LAMA2: variants seen among roughly 807,000 people sequenced by gnomAD.
LAMA2 encodes laminin subunit alpha 2, also known as laminin subunit alpha-2.
LAMA2 carries 269 observed loss-of-function variants against 364.8 expected under a neutral mutation model. The ratio of observed to expected loss-of-function variants is 0.74; its 90% CI spans 0.67 to 0.82. The LOEUF (loss-of-function observed/expected upper bound fraction) is 0.82. Among genes scored for constraint, LAMA2 ranks in the 40% least tolerant of loss-of-function variants. LAMA2 has a pLI of 0.00. For synonymous variants in LAMA2, 1,379 were observed against 1,370.6 expected (o/e 1.01, Z -0.14); for missense variants, 3,807 against 3,873.2 (o/e 0.98, Z 0.45).
chr6:129,272,841 A>G (rs1788038151), intron 17 of LAMA2, among the ~76,000 whole-genome samples: 1 of 152,128 alleles, frequency 6.6e-6, no homozygotes, highest in East Asian at 1.9e-4. Flanking sequence ...TCTAGCTTGT[A>G]TGCTCCTTAT....
chr6:129,089,790 A>G (rs964016721), intron 3 of LAMA2, among the ~76,000 whole-genome samples: 1 of 152,244 alleles, frequency 6.6e-6, no homozygotes, highest in Non-Finnish European at 1.5e-5. Context: ...TACTAAATGC[A>G]TTAATAAGCT....
At chr6:129,208,950 A>C (rs142827711) in intron 12 of LAMA2, among the ~76,000 whole-genome samples, 10 of 152,128 alleles carry the variant, frequency 6.6e-5, no homozygotes, top group Non-Finnish European at 1.2e-4. Context: ...TTTTCTTTCC[A>C]GTTTTCATCT....
At chr6:129,155,344 G>A (rs528529808) in intron 8 of LAMA2, among the ~76,000 whole-genome samples, 1 of 152,050 alleles carries the variant, frequency 6.6e-6, no homozygotes, top group South Asian at 2.1e-4. Context: ...TGTATAAAAT[G>A]TTCACCAAAA....
chr6:129,499,875 G>T (rs982334767), intron 58 of LAMA2, among the ~76,000 whole-genome samples: 17 of 151,962 alleles, frequency 1.1e-4, no homozygotes, highest in African/African-American at 4.1e-4. Context: ...GCAACAACAT[G>T]CCCAGCTAAT....
intron 53 of LAMA2, among the ~76,000 whole-genome samples, chr6:129,476,528 AT>A (rs1278458411): frequency 6.6e-6 from 1 of 152,188 alleles, no homozygotes; most frequent in Non-Finnish European, 1.5e-5. Context: ...TTATGTGACT[AT>A]TTATCCCCTG....
At chr6:129,205,478 G>GTATATATATATATAGATATATATATA (rs1782568520) in intron 12 of LAMA2, among the ~76,000 whole-genome samples, 1 of 116,428 alleles carries the variant, frequency 8.6e-6, no homozygotes, top group Admixed American at 7.9e-5. Flanking sequence ...TATTCTGTAA[G>GTATATATATATATAGATATATATATA]TATATATATA....
intron 10 of LAMA2, among the ~76,000 whole-genome samples, chr6:129,183,922 C>T (rs187285635): frequency 6.6e-6 from 1 of 151,928 alleles, no homozygotes; most frequent in Admixed American, 6.6e-5. Flanking sequence ...AGGAAGAGAA[C>T]TAAAATCTCG....
chr6:129,242,171 G>A (rs1446461458), intron 12 of LAMA2, among the ~76,000 whole-genome samples: 2 of 152,070 alleles, frequency 1.3e-5, no homozygotes, highest in African/African-American at 4.8e-5. Flanking sequence ...ACTTTCTATT[G>A]TTCCTCCCTT....
Position 129,401,280 on chromosome 6 carries a change from G to A in LAMA2, c.5502G>A (p.Glu1834=), listed in dbSNP as rs3749878. 758,142 of 1,600,776 alleles carry A rather than the reference G, an allele frequency of 0.47. 183,076 individuals are homozygous for A. Among genetic ancestry groups the A allele is most frequent in the African/African-American group, 0.63 (46,677 of 74,642 alleles). Residue 1834 remains glutamate, a synonymous_variant, in exon 38 of 65, where the codon GAG becomes GAA. Coordinates refer to ENST00000421865, the MANE Select transcript of LAMA2 (RefSeq NM_000426.4). ...GKRQIENTLK[E]GNDILDEANR... ...GACAAATTGAGAACACTTTAAAAGAGGGCAATGACATACTCGATGAAGCCA... is the reference window on the plus strand; with the variant it reads ...GACAAATTGAGAACACTTTAAAAGAAGGCAATGACATACTCGATGAAGCCA...
At chr6:129,358,014 C>T (rs1056607384) in intron 32 of LAMA2, among the ~76,000 whole-genome samples, 3 of 152,012 alleles carry the variant, frequency 2.0e-5, no homozygotes, top group Non-Finnish European at 2.9e-5. Context: ...CTCGTACTCA[C>T]TGCTCAAGTA....
chr6:128,948,212 G>A (rs759605271), intron 1 of LAMA2, among the ~76,000 whole-genome samples: 2 of 152,086 alleles, frequency 1.3e-5, no homozygotes, highest in African/African-American at 2.4e-5. Context: ...ATTCCAGACT[G>A]TGAACAGATT....
chr6:129,481,250 C>T lies in LAMA2; in HGVS notation c.7573-13C>T, dbSNP rs751282785. On this transcript the variant is annotated splice_polypyrimidine_tract_variant and intron_variant, in intron 54 of 64. Coordinates refer to ENST00000421865, the MANE Select transcript of LAMA2 (RefSeq NM_000426.4). ...TTCTAATGGTTTCTACTCTTCTTTT[C>T]CTTTACTCACAGAATGTTTACACAG... 2.5e-6 allele frequency: 4 copies of T among 1,610,790 alleles called. No homozygotes were observed. Among genetic ancestry groups the T allele is most frequent in the Non-Finnish European group, 2.5e-6 (3 of 1,177,142 alleles).
intron 4 of LAMA2, among the ~76,000 whole-genome samples, chr6:129,122,025 T>C (rs1776830619): frequency 6.6e-6 from 1 of 152,208 alleles, no homozygotes; most frequent in Admixed American, 6.5e-5. Context: ...CTTAAAATTA[T>C]GTGAAAAAAG....
intron 1 of LAMA2, among the ~76,000 whole-genome samples, chr6:128,958,376 ATAATC>A (rs1247265226): frequency 6.6e-6 from 1 of 152,136 alleles, no homozygotes; most frequent in Non-Finnish European, 1.5e-5. Flanking sequence ...AGGCAGTAAA[ATAATC>A]TAACAGGCTC....
intron 48 of LAMA2, among the ~76,000 whole-genome samples, chr6:129,458,522 A>C (rs1783084932): frequency 6.6e-6 from 1 of 151,970 alleles, no homozygotes. Flanking sequence ...AAATCTCTCA[A>C]ATATAGCTTT....
chr6:129,048,838 C>T (rs891807408), intron 1 of LAMA2, among the ~76,000 whole-genome samples: 1 of 151,964 alleles, frequency 6.6e-6, no homozygotes, highest in Non-Finnish European at 1.5e-5. Flanking sequence ...TGGTCTTGAA[C>T]TCCTGACCTC....
chr6:128,961,368 T>TATATATATAG (rs1562873206), intron 1 of LAMA2, among the ~76,000 whole-genome samples: 1 of 98,586 alleles, frequency 1.0e-5, no homozygotes, highest in Non-Finnish European at 2.0e-5. Context: ...TATATATATA[T>TATATATATAG]TAGTTTATTA....
At chr6:129,326,775 T>G (rs991706933) in intron 28 of LAMA2, among the ~76,000 whole-genome samples, 1 of 144,898 alleles carries the variant, frequency 6.9e-6, no homozygotes, top group Non-Finnish European at 1.5e-5. Flanking sequence ...AATATATAAT[T>G]TATATATTAT....
intron 62 of LAMA2, among the ~76,000 whole-genome samples, chr6:129,511,372 T>G (rs1786559235): frequency 6.6e-6 from 1 of 152,184 alleles, no homozygotes; most frequent in Non-Finnish European, 1.5e-5. Context: ...ATTCAGCTTC[T>G]TCTACCCTTT....
Sources: allele counts gnomAD v4.1 joint callset (sites outside exome capture counted in the v4.1 genomes callset), GRCh38; gene constraint gnomAD v4.1.1; transcripts MANE v1.5; gene names NCBI Gene and HGNC (gene_info 2026-07-23, HGNC 2026-07-21).